STXBP5: variants seen among roughly 807,000 people sequenced by gnomAD.
STXBP5 encodes syntaxin binding protein 5.
A neutral mutation model predicts 152.4 loss-of-function variants in STXBP5; 50 were observed. The observed-to-expected ratio is 0.33, with a 90% CI of 0.26 to 0.42. The LOEUF is 0.42. Among genes scored for constraint, STXBP5 ranks in the 10% least tolerant of loss-of-function variants. The pLI, the probability that STXBP5 is intolerant of heterozygous loss-of-function variation, is 1.00. For missense variants in STXBP5, 1,167 were observed against 1,388.6 expected (o/e 0.84, Z 2.54); for synonymous variants, 492 against 494.7 (o/e 0.99, Z 0.07).
chr6:147,326,417 T>C (rs1185709904), intron 17 of STXBP5, among the ~76,000 whole-genome samples: 1 of 152,158 alleles, frequency 6.6e-6, no homozygotes, highest in Non-Finnish European at 1.5e-5. Flanking sequence ...AAAAATCTGA[T>C]TATGTGGCCG....
chr6:147,243,050 T>A (rs564467982), intron 4 of STXBP5, among the ~76,000 whole-genome samples: 1 of 152,354 alleles, frequency 6.6e-6, no homozygotes, highest in East Asian at 1.9e-4. Flanking sequence ...AAAGCTGTTA[T>A]AAATATTCAC....
intron 4 of STXBP5, among the ~76,000 whole-genome samples, chr6:147,254,316 G>A (rs1393888955): frequency 6.6e-6 from 1 of 152,178 alleles, no homozygotes; most frequent in Admixed American, 6.5e-5. Context: ...AGATTTTAAT[G>A]TAAGACCTAA....
intron 6 of STXBP5, among the ~76,000 whole-genome samples, chr6:147,266,131 A>G (rs936470830): frequency 2.0e-5 from 3 of 152,150 alleles, no homozygotes; most frequent in Non-Finnish European, 4.4e-5. Context: ...GAACTTAAGA[A>G]TATACTGTAA....
At chr6:147,236,776 G>C (rs1453110426) in intron 3 of STXBP5, among the ~76,000 whole-genome samples, 1 of 146,874 alleles carries the variant, frequency 6.8e-6, no homozygotes, top group Non-Finnish European at 1.5e-5. Context: ...AACCTGTTCT[G>C]TCTTTTTTTT....
chr6:147,333,465 G>A (rs1054322510), intron 18 of STXBP5, among the ~76,000 whole-genome samples: 8 of 152,066 alleles, frequency 5.3e-5, no homozygotes, highest in Non-Finnish European at 1.0e-4. Context: ...CGCAGGTTGC[G>A]GTGAGCCAAA....
chr6:147,314,261 T>C lies in STXBP5; in HGVS notation c.1294-3T>C, dbSNP rs1014710499. ...TGCTTTATACAGTCATCTTTTTTTA[T>C]AGGAATGGCCCATCAACGGAGGTAA... On this transcript the variant is annotated splice_region_variant and splice_polypyrimidine_tract_variant and intron_variant, in intron 12 of 27. Coordinates refer to ENST00000321680, the MANE Select transcript of STXBP5 (RefSeq NM_001127715.4). The C allele has an allele frequency of 1.2e-6, 2 of 1,608,506 alleles. No individual in the cohort carries two copies. Among genetic ancestry groups the C allele is most frequent in the African/African-American group, 1.3e-5 (1 of 74,774 alleles).
chr6:147,368,304 G>A (rs529127027), intron 25 of STXBP5, among the ~76,000 whole-genome samples: 4 of 151,826 alleles, frequency 2.6e-5, no homozygotes, highest in Admixed American at 6.6e-5. Context: ...TATATCAAAG[G>A]GATAATACAT....
In STXBP5 at chr6:147,215,585, T is replaced by TTGCTTAGGTTGGTC. The variant is rs1764912303; in HGVS notation, c.248+9519_248+9532dup. On this transcript the variant is annotated intron_variant, in intron 2 of 27. Coordinates refer to ENST00000321680, the MANE Select transcript of STXBP5 (RefSeq NM_001127715.4). ...TTTGTAGAGCCTGGGTTTTGTCATG[T>TTGCTTAGGTTGGTC]TGCTTAGGTTGGTCTCGAACTCGTG... is the stretch of plus-strand genomic sequence containing the variant. Among the ~76,000 whole-genome samples, 2 of 152,158 alleles carry TTGCTTAGGTTGGTC rather than the reference T, an allele frequency of 1.3e-5. 1 individual carries two copies. Among genetic ancestry groups the TTGCTTAGGTTGGTC allele is most frequent in the South Asian group, 4.1e-4 (2 of 4,834 alleles).
In STXBP5 at chr6:147,229,126, C is replaced by T. The variant is rs115180684; in HGVS notation, c.249-6124C>T. Among the ~76,000 whole-genome samples the T allele has an allele frequency of 6.0e-3, 906 of 152,054 alleles. 13 individuals carry two copies. Among genetic ancestry groups the T allele is most frequent in the African/African-American group, 0.021 (877 of 41,502 alleles). On this transcript the variant is annotated intron_variant, in intron 2 of 27. Coordinates refer to ENST00000321680, the MANE Select transcript of STXBP5 (RefSeq NM_001127715.4). ...TAAACCTTTGTCTTGTTTTTTTCTC[C>T]TCCTGTGCTGCATTTCATTTAAGTT...
At chr6:147,221,291 CTGT>C (rs1341076400) in intron 2 of STXBP5, among the ~76,000 whole-genome samples, 3 of 151,762 alleles carry the variant, frequency 2.0e-5, no homozygotes, top group Non-Finnish European at 4.4e-5. Flanking sequence ...TACATTGTTG[CTGT>C]TATTATTTTG....
chr6:147,268,889 T>C (rs1780020516), intron 7 of STXBP5, among the ~76,000 whole-genome samples: 2 of 152,152 alleles, frequency 1.3e-5, no homozygotes, highest in Non-Finnish European at 2.9e-5. Context: ...TCAATTGCTT[T>C]AGCTAATGGC....
intron 7 of STXBP5, among the ~76,000 whole-genome samples, chr6:147,271,048 G>A (rs1780139589): frequency 6.6e-6 from 1 of 152,046 alleles, no homozygotes; most frequent in Admixed American, 6.6e-5. Context: ...TCCAGAGGAA[G>A]GTAGAAGGGA....
In STXBP5 at chr6:147,389,780, A is replaced by G. The variant is rs944662710; in HGVS notation, c.*5025A>G. On this transcript the variant is annotated 3_prime_UTR_variant, in exon 28 of 28. Transcript: ENST00000321680. ...GTAAGGAGTTGAAAATACAATCAAC[A>G]TAGCAATGGAAAGCAATGCAAAGAG... The G allele has an allele frequency of 3.3e-5, 5 of 151,862 alleles. No homozygotes were observed. The highest frequency in any genetic ancestry group is 7.4e-5 in the Non-Finnish European group (5 of 67,866). 9.4% of individuals were successfully genotyped at this position (151,862 alleles called of 1,614,324 possible).
chr6:147,377,441 A>C (rs1785862697), intron 26 of STXBP5, among the ~76,000 whole-genome samples: 1 of 152,204 alleles, frequency 6.6e-6, no homozygotes, highest in South Asian at 2.1e-4. Flanking sequence ...AAATAGTAAA[A>C]TACAATTGAA....
chr6:147,243,025 T>G (rs886123683), intron 4 of STXBP5, among the ~76,000 whole-genome samples: 3 of 152,224 alleles, frequency 2.0e-5, no homozygotes, highest in Non-Finnish European at 4.4e-5. Flanking sequence ...TTTGCTTTTT[T>G]TGGCCATTAT....
chr6:147,235,419 A>G, intron 3 of STXBP5, 88 bp downstream of exon 3: 1 of 1,042,708 alleles, frequency 9.6e-7, no homozygotes, highest in South Asian at 1.5e-5. Context: ...TTCACAATTT[A>G]TTTACATATT....
At chr6:147,362,975 T>G (rs764127507) in intron 23 of STXBP5, among the ~76,000 whole-genome samples, 20 of 152,218 alleles carry the variant, frequency 1.3e-4, no homozygotes, top group Non-Finnish European at 2.2e-4. Flanking sequence ...TGCTATCCAC[T>G]TGCTCTCCTG....
At chr6:147,332,072 G>A (rs911906459) in intron 18 of STXBP5, among the ~76,000 whole-genome samples, 10 of 152,220 alleles carry the variant, frequency 6.6e-5, no homozygotes, top group African/African-American at 1.9e-4. Context: ...GGTTGAGTGA[G>A]ATAGGTTTGA....
At chr6:147,370,777 A>G (rs1452872334) in intron 25 of STXBP5, among the ~76,000 whole-genome samples, 1 of 152,054 alleles carries the variant, frequency 6.6e-6, no homozygotes, top group African/African-American at 2.4e-5. Context: ...TTAGCTTCTT[A>G]TATATATTGT....
Sources: allele counts gnomAD v4.1 joint callset (sites outside exome capture counted in the v4.1 genomes callset), GRCh38; gene constraint gnomAD v4.1.1; transcripts MANE v1.5; gene names NCBI Gene and HGNC (gene_info 2026-07-23, HGNC 2026-07-21).